Variants in PGM1 observed in about 807,000 individuals in gnomAD.
PGM1 encodes the protein phosphoglucomutase 1.
Under a neutral mutation model 55.6 loss-of-function variants are expected in PGM1, and 52 were observed. The observed-to-expected ratio is 0.94, with a 90% CI of 0.75 to 1.18. The LOEUF is 1.18. PGM1 is among the 50% of genes most tolerant of loss of function. The pLI is 0.00. For missense variants in PGM1, 724 were observed against 729.3 expected (o/e 0.99, Z 0.08); for synonymous variants, 287 against 271.7 (o/e 1.06, Z -0.55).
intron 10 of PGM1, chr1:63,656,051 A>T (rs1454903675): frequency 6.6e-6 from 1 of 152,222 alleles, no homozygotes; most frequent in African/African-American, 2.4e-5. Context: ...CATCTCTAAA[A>T]AAAGAAAAGG....
intron 1 of PGM1, chr1:63,623,520 C>T: frequency 1.2e-5 from 19 of 1,612,710 alleles, no homozygotes; most frequent in Non-Finnish European, 1.6e-5. Flanking sequence ...AAGGTCCTCT[C>T]CCTCTGTTGA....
intron 1 of PGM1, among the ~76,000 whole-genome samples, chr1:63,625,349 A>G (rs1413641700): frequency 6.6e-6 from 1 of 152,222 alleles, no homozygotes; most frequent in Non-Finnish European, 1.5e-5. Flanking sequence ...AGTCTTTTCA[A>G]GGTAAGCTTA....
chr1:63,611,818 G>T (rs939218896), intron 1 of PGM1, among the ~76,000 whole-genome samples: 1 of 152,062 alleles, frequency 6.6e-6, no homozygotes, highest in Non-Finnish European at 1.5e-5. Context: ...CAGGAGAATC[G>T]CTTGAACCAG....
Position 63,633,908 on chromosome 1 carries a change from GTGTGTGTGTGTATATA to G in PGM1, c.683-919_683-904del, listed in dbSNP as rs1395963860. On this transcript the variant is annotated intron_variant, in intron 4 of 10. Coordinates refer to ENST00000371084, the MANE Select transcript of PGM1 (RefSeq NM_002633.3). ...TGTGTGTGTGTGTGTGTGTGTGTGT[GTGTGTGTGTGTATATA>G]TATATATATTTTTTTTTTTTTTTTT... is the stretch of plus-strand genomic sequence containing the variant. 8.1e-3 allele frequency among the ~76,000 whole-genome samples: 270 copies of G among 33,244 alleles called. 7 individuals are homozygous for G. The highest frequency in any genetic ancestry group is 0.048 in the African/African-American group (220 of 4,546). The allele number at this position is 33,244 out of a possible 152,430, so 21.8% of individuals were successfully genotyped here.
intron 1 of PGM1, among the ~76,000 whole-genome samples, chr1:63,620,542 C>T (rs913664979): frequency 1.3e-5 from 2 of 152,166 alleles, no homozygotes; most frequent in Non-Finnish European, 2.9e-5. Context: ...TTCAGGCCAG[C>T]CCTCACATGG....
At chr1:63,614,243 T>C (rs955619297) in intron 1 of PGM1, among the ~76,000 whole-genome samples, 2 of 152,230 alleles carry the variant, frequency 1.3e-5, no homozygotes, top group Non-Finnish European at 2.9e-5. Context: ...ATCTCCAAGA[T>C]ACTAAAAAGT....
At chr1:63,649,791 A>C (rs1360880501) in intron 8 of PGM1, among the ~76,000 whole-genome samples, 1 of 152,200 alleles carries the variant, frequency 6.6e-6, no homozygotes, top group Non-Finnish European at 1.5e-5. Flanking sequence ...GAACCAAGGC[A>C]AAAAAATCCC....
At chr1:63,635,677 T>C (rs947575124) in intron 5 of PGM1, among the ~76,000 whole-genome samples, 1 of 152,192 alleles carries the variant, frequency 6.6e-6, no homozygotes, top group African/African-American at 2.4e-5. Flanking sequence ...ATCCACTGTT[T>C]CCTGAAAAAT....
At chr1:63,619,033 A>G (rs1648816896) in intron 1 of PGM1, among the ~76,000 whole-genome samples, 1 of 152,212 alleles carries the variant, frequency 6.6e-6, no homozygotes, top group African/African-American at 2.4e-5. Flanking sequence ...TTCTGTGGAT[A>G]TTCTCATGCC....
chr1:63,629,018 C>T (rs1455056850), intron 1 of PGM1, among the ~76,000 whole-genome samples: 1 of 152,116 alleles, frequency 6.6e-6, no homozygotes, highest in Admixed American at 6.5e-5. Context: ...TTAGCTAAAC[C>T]TTTTCTTTTC....
intron 10 of PGM1, among the ~76,000 whole-genome samples, 155 bp downstream of exon 10, chr1:63,654,621 A>G (rs928665722): frequency 3.3e-5 from 5 of 152,074 alleles, no homozygotes; most frequent in Admixed American, 1.3e-4. Context: ...TGTCAACATT[A>G]TAGATAATAA....
intron 9 of PGM1, among the ~76,000 whole-genome samples, 156 bp from the exon 10 acceptor site, chr1:63,654,176 C>T (rs1649893882): frequency 6.6e-6 from 1 of 152,214 alleles, no homozygotes; most frequent in Admixed American, 6.5e-5. Context: ...TGACGGAAGG[C>T]AGGCTCACAA....
rs1280037054 is a variant in PGM1 at position 63,593,704 on chromosome 1, G to C, written c.216G>C (p.Gln72His). 2 of 1,601,528 alleles carry C rather than the reference G, an allele frequency of 1.2e-6. No individual in the cohort carries two copies. The highest frequency in any genetic ancestry group is 1.7e-6 in the Non-Finnish European group (2 of 1,176,072). The change falls in exon 1 of 11, where the codon CAG becomes CAC. Residue 72 changes from glutamine to histidine, a missense_variant. Gln to His is a conservative substitution (Grantham distance 24, BLOSUM62 0). This residue lies in a region of PGM1 where 379 missense variants were observed against 357.5 expected (regional missense o/e 1.06). Coordinates refer to ENST00000371084, the MANE Select transcript of PGM1 (RefSeq NM_002633.3). ...GGTTCTACATGAAGGAGGCCATCCA[G>C]CTCATCGCTCGCATCGCTGCCGCCA... is the stretch of plus-strand genomic sequence containing the variant. ...DGRFYMKEAI[Q>H]LIARIAAANG...
At chr1:63,613,006 G>C (rs1471798813) in intron 1 of PGM1, among the ~76,000 whole-genome samples, 2 of 152,138 alleles carry the variant, frequency 1.3e-5, no homozygotes, top group African/African-American at 4.8e-5. Context: ...TTGACTATCT[G>C]TATGTGCCCA....
At chr1:63,632,145 A>T (rs769727567) in intron 4 of PGM1, among the ~76,000 whole-genome samples, 1 of 151,950 alleles carries the variant, frequency 6.6e-6, no homozygotes, top group Non-Finnish European at 1.5e-5. Context: ...TGTGATAAAC[A>T]TACTCCTGAG....
At chr1:63,653,493 G>A (rs1394839193) in intron 9 of PGM1, among the ~76,000 whole-genome samples, 1 of 152,198 alleles carries the variant, frequency 6.6e-6, no homozygotes, top group Non-Finnish European at 1.5e-5. Context: ...AGCAGGTGAA[G>A]AGCAGCATCT....
intron 3 of PGM1, among the ~76,000 whole-genome samples, chr1:63,631,372 A>G (rs1649188890): frequency 6.6e-6 from 1 of 152,212 alleles, no homozygotes; most frequent in Non-Finnish European, 1.5e-5. Context: ...TGTGTGCCTC[A>G]TCCAAGCTGT....
rs71645546 is a variant in PGM1, at chr1:63,653,479, G to A, written c.1465-853G>A. Reference sequence around the variant, plus strand: ...TAAACACCAGATGGGGATTGGTGACGAACAGCAGGTGAAGAGCAGCATCTT... The same window carrying A: ...TAAACACCAGATGGGGATTGGTGACAAACAGCAGGTGAAGAGCAGCATCTT... On this transcript the variant is annotated intron_variant, in intron 9 of 10. Coordinates refer to ENST00000371084, the MANE Select transcript of PGM1 (RefSeq NM_002633.3). 1.4e-3 allele frequency among the ~76,000 whole-genome samples: 207 copies of A among 152,276 alleles called. 1 individual carries two copies. Among genetic ancestry groups the A allele is most frequent in the Non-Finnish European group, 2.5e-3 (168 of 68,018 alleles).
At chr1:63,628,492 C>T (rs3819906) in intron 1 of PGM1, among the ~76,000 whole-genome samples, 30,973 of 152,040 alleles carry the variant, frequency 0.2, 4,429 homozygotes, top group African/African-American at 0.41. Context: ...ATTTTCAACA[C>T]TAGAAACACA....
Sources: allele counts gnomAD v4.1 joint callset (sites outside exome capture counted in the v4.1 genomes callset), GRCh38; gene constraint gnomAD v4.1.1; regional missense constraint gnomAD v4.1.1; transcripts MANE v1.5; gene names NCBI Gene and HGNC (gene_info 2026-07-23, HGNC 2026-07-21).